The following KIF20B variants were observed in gnomAD, a reference collection of about 807,000 sequenced individuals.
KIF20B encodes kinesin-like protein KIF20B.
Under a neutral mutation model 232.5 loss-of-function variants are expected in KIF20B, and 188 were observed. The observed-to-expected ratio is 0.81, with a 90% confidence interval of 0.72 to 0.91. The LOEUF is 0.91. KIF20B is among the 40% of genes least tolerant of loss of function. KIF20B has a pLI of 0.00. For synonymous variants in KIF20B, 712 were observed against 683.0 expected (o/e 1.04, Z -0.66); for missense variants, 2,154 against 2,055.9 (o/e 1.05, Z -0.92).
chr10:89,724,488 C>CA (rs1242700062), intron 14 of KIF20B, among the ~76,000 whole-genome samples: 1 of 152,084 alleles, frequency 6.6e-6, no homozygotes, highest in Non-Finnish European at 1.5e-5. Flanking sequence ...GAGATTGTGT[C>CA]ACTGCACTCC....
At chr10:89,748,540 T>C (rs1234396841) in intron 23 of KIF20B, among the ~76,000 whole-genome samples, 1 of 152,220 alleles carries the variant, frequency 6.6e-6, no homozygotes, top group African/African-American at 2.4e-5. Flanking sequence ...AGCTGACTTA[T>C]ACATTGGTGG....
Position 89,733,017 on chromosome 10 carries a change from G to C in KIF20B, c.2506G>C (p.Glu836Gln), listed in dbSNP as rs1843362189. 6.2e-7 allele frequency: 1 copy of C among 1,613,644 alleles called. No individual in the cohort carries two copies. ...KICSERKRVN[E>Q]NELQQDEPPA... is the part of the protein sequence containing the mutation. The stretch of plus-strand genomic sequence containing the variant: ...CTGTTCAGAAAGAAAAAGAGTAAAT[G>C]AAAATGAACTTCAGCAAGATGAACC... Residue 836 changes from glutamate to glutamine, a missense_variant, in exon 19 of 33, where the codon GAA becomes CAA. Coordinates refer to ENST00000371728, the MANE Select transcript of KIF20B (RefSeq NM_001284259.2).
chr10:89,733,974 C>T (rs1377318577), intron 19 of KIF20B, among the ~76,000 whole-genome samples: 2 of 151,698 alleles, frequency 1.3e-5, no homozygotes, highest in Non-Finnish European at 2.9e-5. Flanking sequence ...TTTGTATATA[C>T]AGTATCGAAG....
At position 89,760,760 on chromosome 10, in the gene KIF20B, TGAAA is replaced by T. The variant is rs1485596849; in HGVS notation, c.4791+129_4791+132del. 5.2e-6 allele frequency: 3 copies of T among 580,698 alleles called. No homozygotes were observed. In the African/African-American group the frequency reaches 5.7e-5, roughly 11 times the overall value. 36.0% of individuals were successfully genotyped at this position (580,698 alleles called of 1,614,324 possible). On this transcript the variant is annotated intron_variant, in intron 28 of 32. Transcript: ENST00000371728. ...TTAGCTGTGTGTGCTCTGGGCTGTGTGAAAGAAACTAGAGGCTTTTGAGGAGAGG... is the reference window on the plus strand; with the variant it reads ...TTAGCTGTGTGTGCTCTGGGCTGTGTGAAACTAGAGGCTTTTGAGGAGAGG...
At position 89,723,999 on chromosome 10, in the gene KIF20B, A is replaced by T; in HGVS notation, c.1758A>T (p.Lys586Asn). The T allele has an allele frequency of 6.3e-7, 1 of 1,579,572 alleles. No homozygotes were observed. The highest frequency in any genetic ancestry group is 8.6e-7 in the Non-Finnish European group (1 of 1,168,556). The change falls in exon 14 of 33, where the codon AAA (lysine) becomes AAT (asparagine). Residue 586 changes from lysine to asparagine, a missense_variant. By Grantham distance (94) the Lys-to-Asn change is moderately conservative. Coordinates refer to ENST00000371728, the MANE Select transcript of KIF20B (RefSeq NM_001284259.2). ...ACTTAATAGAAGACTTGAAAAAAAAACTGATAAATGAAAAAAAGGAAAAAT... is the reference window on the plus strand; with the variant it reads ...ACTTAATAGAAGACTTGAAAAAAAATCTGATAAATGAAAAAAAGGAAAAAT... ...LLDLIEDLKK[K>N]LINEKKEKLT...
chr10:89,706,803 T>G (rs11816741), intron 2 of KIF20B, among the ~76,000 whole-genome samples: 30,751 of 152,054 alleles, frequency 0.2, 3,235 homozygotes, highest in South Asian at 0.28. Flanking sequence ...ATACTCTCTA[T>G]TTCTGTAGCT....
intron 29 of KIF20B, 138 bp from the exon 30 acceptor site, chr10:89,768,152 C>G (rs1283905621): frequency 1.6e-6 from 1 of 614,632 alleles, no homozygotes; most frequent in East Asian, 3.0e-5. Context: ...TGCCATTGTC[C>G]TCTGAGTTCA....
At chr10:89,734,898 T>A (rs1841612000) in intron 19 of KIF20B, among the ~76,000 whole-genome samples, 1 of 152,218 alleles carries the variant, frequency 6.6e-6, no homozygotes, top group South Asian at 2.1e-4. Flanking sequence ...GAAGTCACTG[T>A]CAACTTCTAG....
At position 89,738,528 on chromosome 10, in the gene KIF20B, C is replaced by T. The variant is rs564371850; in HGVS notation, c.3687C>T (p.Ile1229=). 9 of 1,601,204 alleles carry T rather than the reference C, an allele frequency of 5.6e-6. No homozygotes were observed. The African/African-American group carries it at 1.2e-4, about 22-fold the overall frequency. ...NVKELKLKEE[I]TQLTNNLQDM... ...AGGAACTCAAGCTGAAAGAAGAAATCACACAGTTAACAAATAATTTGCAAG... is the reference window on the plus strand; with the variant it reads ...AGGAACTCAAGCTGAAAGAAGAAATTACACAGTTAACAAATAATTTGCAAG... The change falls in exon 20 of 33, where the codon ATC becomes ATT. Residue 1229 remains isoleucine, a synonymous_variant. Coordinates refer to ENST00000371728, the MANE Select transcript of KIF20B (RefSeq NM_001284259.2).
chr10:89,726,622 A>G, intron 16 of KIF20B, 101 bp downstream of exon 16: 1 of 1,003,290 alleles, frequency 1.0e-6, no homozygotes, highest in Non-Finnish European at 1.3e-6. Context: ...CGTAGTGACC[A>G]GAAAATTCTT....
In KIF20B at chr10:89,725,110, T is replaced by C; in HGVS notation, c.1953T>C (p.Thr651=). 6.2e-7 allele frequency: 1 copy of C among 1,614,006 alleles called. No homozygotes were observed. The highest frequency in any genetic ancestry group is 2.2e-5 in the East Asian group (1 of 44,878). ...AGGATTTGGTTGGTAAATGTGACACTCGAGAAGAAGCAGCGAAAGACATTT... is the reference window on the plus strand; with the variant it reads ...AGGATTTGGTTGGTAAATGTGACACCCGAGAAGAAGCAGCGAAAGACATTT... ...IFKDLVGKCD[T]REEAAKDICA... is the part of the protein sequence containing the mutation. Residue 651 remains threonine (T), a synonymous_variant, in exon 15 of 33, where the codon ACT becomes ACC. Transcript: ENST00000371728.
Position 89,738,299 on chromosome 10 carries a change from C to T in KIF20B, c.3458C>T (p.Thr1153Ile), listed in dbSNP as rs1026349230. Reference protein sequence around the residue: ...VEGKRALSELTQGVTCYKAKI... With the variant: ...VEGKRALSELIQGVTCYKAKI... ...GGAAAGAGAGCGCTTTCAGAACTTA[C>T]ACAAGGTGTTACTTGCTATAAGGCA... The change falls in exon 20 of 33, where the codon ACA becomes ATA. Residue 1153 changes from threonine (T) to isoleucine (I), a missense_variant. Transcript: ENST00000371728. 2 of 1,612,016 alleles carry T rather than the reference C, an allele frequency of 1.2e-6. No individual in the cohort carries two copies. Among genetic ancestry groups the T allele is most frequent in the Non-Finnish European group, 1.7e-6 (2 of 1,179,304 alleles).
At chr10:89,721,044 T>C (rs1843045475) in intron 13 of KIF20B, among the ~76,000 whole-genome samples, 1 of 152,082 alleles carries the variant, frequency 6.6e-6, no homozygotes, top group Non-Finnish European at 1.5e-5. Context: ...ACTCCGTGAG[T>C]ATAGATGGAG....
intron 26 of KIF20B, 56 bp downstream of exon 26, chr10:89,754,729 T>G (rs1842086663): frequency 1.5e-6 from 2 of 1,296,034 alleles, no homozygotes; most frequent in South Asian, 4.3e-5. Flanking sequence ...GTGTGTTAAA[T>G]GTATTGCTGG....
chr10:89,739,125 G>A lies in KIF20B; in HGVS notation c.3915+29G>A, dbSNP rs751354413. 2.5e-6 allele frequency: 4 copies of A among 1,602,504 alleles called. No homozygotes were observed. The South Asian group carries it at 4.5e-5, about 18-fold the overall frequency. On this transcript the variant is annotated intron_variant, in intron 21 of 32. Coordinates refer to ENST00000371728, the MANE Select transcript of KIF20B (RefSeq NM_001284259.2). The stretch of plus-strand genomic sequence containing the variant: ...GGTTATTTGAAAAGTTATGTGGCCA[G>A]TTTATGATAAAGATTGTTTTCCTTA...
rs1191646010 is a variant in KIF20B, at chr10:89,737,394, C to T, written c.2553C>T (p.Ile851=). The change falls in exon 20 of 33, where the codon ATC becomes ATT. Residue 851 remains isoleucine (I), a synonymous_variant. Coordinates refer to ENST00000371728, the MANE Select transcript of KIF20B (RefSeq NM_001284259.2). ...QDEPPAKKGS[I]HVSSAITEDQ... is the part of the protein sequence containing the mutation. ...ATTTTCTTATTTTTAAAGGGTCTATCCATGTTAGTTCAGCTATCACTGAAG... is the reference window on the plus strand; with the variant it reads ...ATTTTCTTATTTTTAAAGGGTCTATTCATGTTAGTTCAGCTATCACTGAAG... The T allele has an allele frequency of 1.9e-6, 3 of 1,568,644 alleles. No individual in the cohort carries two copies. The highest frequency in any genetic ancestry group is 1.4e-5 in the African/African-American group (1 of 72,348).
intron 16 of KIF20B, 98 bp downstream of exon 16, chr10:89,726,619 AC>A: frequency 9.7e-7 from 1 of 1,032,812 alleles, no homozygotes; most frequent in Non-Finnish European, 1.3e-6. Flanking sequence ...TACCGTAGTG[AC>A]CAGAAAATTC....
At position 89,732,982 on chromosome 10, in the gene KIF20B, A is replaced by G. The variant is rs757027479; in HGVS notation, c.2471A>G (p.Lys824Arg). The change falls in exon 19 of 33, where the codon AAA becomes AGA. Residue 824 changes from lysine to arginine, a missense_variant. By Grantham distance (26) the Lys-to-Arg change is conservative. Coordinates refer to ENST00000371728, the MANE Select transcript of KIF20B (RefSeq NM_001284259.2). ...ACAGTTGAAGTACCTAAGGACAGCA[A>G]ATCTAAAATCTGTTCAGAAAGAAAA... ...NETVEVPKDSKSKICSERKRV... is the reference protein window; with the variant it reads ...NETVEVPKDSRSKICSERKRV... 1 of 1,613,342 alleles carries G rather than the reference A, an allele frequency of 6.2e-7. No individual in the cohort carries two copies.
chr10:89,750,276 A>G (rs1028052001), intron 23 of KIF20B, among the ~76,000 whole-genome samples: 2 of 152,070 alleles, frequency 1.3e-5, no homozygotes, highest in Non-Finnish European at 2.9e-5. Context: ...GCAAAGTGTA[A>G]GAGGGAGGGA....
Sources: gnomAD v4.1 joint callset for allele counts (sites outside exome capture counted in the v4.1 genomes callset) on GRCh38, gnomAD v4.1.1 for gene constraint, MANE v1.5 for transcripts, NCBI Gene and HGNC (gene_info 2026-07-23, HGNC 2026-07-21) for gene names.